Variants in PARD6A observed in about 807,000 individuals in gnomAD.
The protein encoded by PARD6A is par-6 family cell polarity regulator alpha, also known as partitioning defective 6 homolog alpha.
In PARD6A, 20 loss-of-function variants were observed where a neutral mutation model predicts 21.3. The ratio of observed to expected loss-of-function variants is 0.94; its 90% CI spans 0.66 to 1.36. PARD6A has a LOEUF of 1.36. PARD6A is among the 40% of genes most tolerant of loss of function. PARD6A has a pLI of 0.00. For synonymous variants in PARD6A, 214 were observed against 204.8 expected (o/e 1.04, Z -0.38); for missense variants, 411 against 482.0 (o/e 0.85, Z 1.38).
chr16:67,661,730 G>T lies in PARD6A; in HGVS notation c.286+53G>T. On this transcript the variant is annotated intron_variant, in intron 2 of 2. Coordinates refer to ENST00000458121, the MANE Select transcript of PARD6A (RefSeq NM_001037281.2). The surrounding 1 kb of genome is among the most constrained non-coding windows in gnomAD (Gnocchi z 7.0). ...TGTGGGGTAAGGTGTCTGTGGGGCA[G>T]GTCTACAAGGGTTAGTCCATGCCCA... 6.3e-7 allele frequency: 1 copy of T among 1,583,492 alleles called. No individual in the cohort carries two copies.
Position 67,661,398 on chromosome 16 carries a change from G to A in PARD6A, c.64-57G>A. On this transcript the variant is annotated intron_variant, in intron 1 of 2. Coordinates refer to ENST00000458121, the MANE Select transcript of PARD6A (RefSeq NM_001037281.2). This position sits in a 1 kb window ranked among gnomAD's most constrained non-coding sequence, Gnocchi z 7.0. ...TCTTTCCCATTCCTGCCAGCCTGCG[G>A]TGAGAAAGGGGCGCAGGCTGTCCTG... 1 of 1,584,324 alleles carries A rather than the reference G, an allele frequency of 6.3e-7. No homozygotes were observed. The highest frequency in any genetic ancestry group is 8.5e-7 in the Non-Finnish European group (1 of 1,171,142).
In PARD6A at chr16:67,661,266, C is replaced by A; in HGVS notation, c.63+165C>A. The A allele has an allele frequency of 9.9e-7, 1 of 1,009,516 alleles. No individual in the cohort carries two copies. Among genetic ancestry groups the A allele is most frequent in the Non-Finnish European group, 1.5e-6 (1 of 680,870 alleles). The allele number at this position is 1,009,516 out of a possible 1,614,324, so 62.5% of individuals were successfully genotyped here. A position where few individuals can be genotyped will look rare whatever the true frequency, so the allele number is the denominator to read the frequency against. ...TCCTTCCTCCACTGCTGGTCTCCAGCTCTCTGTGGCCTGAGTACCTGGAGG... is the reference window on the plus strand; with the variant it reads ...TCCTTCCTCCACTGCTGGTCTCCAGATCTCTGTGGCCTGAGTACCTGGAGG... On this transcript the variant is annotated intron_variant, in intron 1 of 2. Coordinates refer to ENST00000458121, the MANE Select transcript of PARD6A (RefSeq NM_001037281.2). The surrounding 1 kb of genome is among the most constrained non-coding windows in gnomAD (Gnocchi z 7.0).
At position 67,661,249 on chromosome 16, in the gene PARD6A, C is replaced by T; in HGVS notation, c.63+148C>T. On this transcript the variant is annotated intron_variant, in intron 1 of 2. Transcript: ENST00000458121. The surrounding 1 kb of genome is among the most constrained non-coding windows in gnomAD (Gnocchi z 7.0). ...CCTTCCCCCATCCGTCTTCCTTCCT[C>T]CACTGCTGGTCTCCAGCTCTCTGTG... The T allele has an allele frequency of 9.9e-7, 1 of 1,008,496 alleles. No homozygotes were observed. Among genetic ancestry groups the T allele is most frequent in the South Asian group, 1.4e-5 (1 of 69,820 alleles). The allele number at this position is 1,008,496 out of a possible 1,614,324, so 62.5% of individuals were successfully genotyped here. A position where few individuals can be genotyped will look rare whatever the true frequency, so the allele number is the denominator to read the frequency against.
At position 67,662,208 on chromosome 16, in the gene PARD6A, G is replaced by T; in HGVS notation, c.599G>T (p.Gly200Val). 6.2e-7 allele frequency: 1 copy of T among 1,614,154 alleles called. No homozygotes were observed. Among genetic ancestry groups the T allele is most frequent in the Non-Finnish European group, 8.5e-7 (1 of 1,180,036 alleles). Residue 200 changes from glycine to valine, a missense_variant, in exon 3 of 3, where the codon GGT becomes GTT. Gly to Val is a moderately radical substitution (Grantham distance 109). Coordinates refer to ENST00000458121, the MANE Select transcript of PARD6A (RefSeq NM_001037281.2). This position sits in a 1 kb window ranked among gnomAD's most constrained non-coding sequence, Gnocchi z 6.9. ...TTCATCTCCCGCCTGGTACGTGGGG[G>T]TCTGGCTGAGAGTACAGGGCTGCTG... ...GIFISRLVRG[G>V]LAESTGLLAV...
rs537272237 is a variant in PARD6A, at chr16:67,661,929, A to G, written c.320A>G (p.Asn107Ser). 55 of 1,606,952 alleles carry G rather than the reference A, an allele frequency of 3.4e-5. No individual in the cohort carries two copies. Among genetic ancestry groups the G allele is most frequent in the South Asian group, 6.6e-5 (6 of 90,856 alleles). Reference protein sequence around the residue: ...ADSSGLAFASNSLQRRKKGLL... With the variant: ...ADSSGLAFASSSLQRRKKGLL... ...TCCAGCGGCCTGGCTTTTGCCTCCA[A>G]CTCTCTGCAGCGGCGCAAGAAAGGG... The change falls in exon 3 of 3, where the codon AAC (asparagine) becomes AGC (serine). Residue 107 changes from asparagine to serine, a missense_variant. Asn to Ser is a conservative substitution (Grantham distance 46). Transcript: ENST00000458121. This position sits in a 1 kb window ranked among gnomAD's most constrained non-coding sequence, Gnocchi z 7.0.
At position 67,661,238 on chromosome 16, in the gene PARD6A, TCTTC is replaced by T. The variant is rs2053009622; in HGVS notation, c.63+144_63+147del. On this transcript the variant is annotated intron_variant, in intron 1 of 2. Transcript: ENST00000458121. This position sits in a 1 kb window ranked among gnomAD's most constrained non-coding sequence, Gnocchi z 7.0. ...TTTTCTGCTCGCCTTCCCCCATCCG[TCTTC>T]CTTCCTCCACTGCTGGTCTCCAGCT... 1.9e-6 allele frequency: 2 copies of T among 1,025,774 alleles called. No homozygotes were observed. Among genetic ancestry groups the T allele is most frequent in the Admixed American group, 1.9e-5 (1 of 52,240 alleles). The allele number at this position is 1,025,774 out of a possible 1,614,324, so 63.5% of individuals were successfully genotyped here.
Position 67,662,558 on chromosome 16 carries a change from A to C in PARD6A, c.949A>C (p.Ser317Arg). 1 of 1,613,034 alleles carries C rather than the reference A, an allele frequency of 6.2e-7. No homozygotes were observed. ...HPGCRHPGTR[S>R]SLPSLDDQEQ... ...TGGCTGCCGACATCCTGGTACCCGC[A>C]GCTCTCTGCCCTCCCTGGATGACCA... Residue 317 changes from serine (S) to arginine (R), a missense_variant, in exon 3 of 3, where the codon AGC becomes CGC. Coordinates refer to ENST00000458121, the MANE Select transcript of PARD6A (RefSeq NM_001037281.2). This position sits in a 1 kb window ranked among gnomAD's most constrained non-coding sequence, Gnocchi z 6.9.
chr16:67,662,151 C>G lies in PARD6A; in HGVS notation c.542C>G (p.Ala181Gly). 1.9e-6 allele frequency: 3 copies of G among 1,613,900 alleles called. No individual in the cohort carries two copies. The highest frequency in any genetic ancestry group is 2.5e-6 in the Non-Finnish European group (3 of 1,180,004). Residue 181 changes from alanine to glycine, a missense_variant, in exon 3 of 3, where the codon GCT becomes GGT. By Grantham distance (60) the Ala-to-Gly change is moderately conservative (BLOSUM62 0). Coordinates refer to ENST00000458121, the MANE Select transcript of PARD6A (RefSeq NM_001037281.2). This position sits in a 1 kb window ranked among gnomAD's most constrained non-coding sequence, Gnocchi z 6.9. ...CGAGATGGCATGAGCGTGCGTGTGG[C>G]TCCCCAGGGCCTGGAGCGGGTTCCA... ...YIRDGMSVRVAPQGLERVPGI... is the reference protein window; with the variant it reads ...YIRDGMSVRVGPQGLERVPGI...
rs776418775 is a variant in PARD6A, at chr16:67,662,025, G to C, written c.416G>C (p.Arg139Pro). Reference sequence around the variant, plus strand: ...CTAATCAGCCTGCCCCAAGATTTCCGCCAGGTTTCCTCAGTCATAGACGTG... The same window carrying C: ...CTAATCAGCCTGCCCCAAGATTTCCCCCAGGTTTCCTCAGTCATAGACGTG... Reference protein sequence around the residue: ...PLLISLPQDFRQVSSVIDVDL... With the variant: ...PLLISLPQDFPQVSSVIDVDL... Residue 139 changes from arginine to proline, a missense_variant, in exon 3 of 3, where the codon CGC (arginine) becomes CCC (proline). By Grantham distance (103) the Arg-to-Pro change is moderately radical. Transcript: ENST00000458121. This position sits in a 1 kb window ranked among gnomAD's most constrained non-coding sequence, Gnocchi z 6.9. The C allele has an allele frequency of 6.2e-7, 1 of 1,613,822 alleles. No individual in the cohort carries two copies. Among genetic ancestry groups the C allele is most frequent in the Non-Finnish European group, 8.5e-7 (1 of 1,180,022 alleles).
Position 67,661,415 on chromosome 16 carries a change from G to C in PARD6A, c.64-40G>C. On this transcript the variant is annotated intron_variant, in intron 1 of 2. Coordinates refer to ENST00000458121, the MANE Select transcript of PARD6A (RefSeq NM_001037281.2). This position sits in a 1 kb window ranked among gnomAD's most constrained non-coding sequence, Gnocchi z 7.0. ...AGCCTGCGGTGAGAAAGGGGCGCAG[G>C]CTGTCCTGACTCCTCCTCTCCCCCA... The C allele has an allele frequency of 6.3e-7, 1 of 1,599,426 alleles. No individual in the cohort carries two copies. Among genetic ancestry groups the C allele is most frequent in the Non-Finnish European group, 8.5e-7 (1 of 1,178,230 alleles).
chr16:67,662,156 C>T lies in PARD6A; in HGVS notation c.547C>T (p.Gln183Ter). ...TGGCATGAGCGTGCGTGTGGCTCCC[C>T]AGGGCCTGGAGCGGGTTCCAGGAAT... Reference protein sequence around the residue: ...RDGMSVRVAPQGLERVPGIFI... With the variant: ...RDGMSVRVAP The change falls in exon 3 of 3, where the codon CAG (glutamine) becomes TAG (stop). Residue 183 changes from glutamine to a stop codon, truncating the protein, a stop_gained. Coordinates refer to ENST00000458121, the MANE Select transcript of PARD6A (RefSeq NM_001037281.2). LOFTEE classifies it high-confidence loss of function. This position sits in a 1 kb window ranked among gnomAD's most constrained non-coding sequence, Gnocchi z 6.9. 3 of 1,613,980 alleles carry T rather than the reference C, an allele frequency of 1.9e-6. No individual in the cohort carries two copies. Among genetic ancestry groups the T allele is most frequent in the Non-Finnish European group, 2.5e-6 (3 of 1,180,016 alleles).
rs2142978189 is a variant in PARD6A, at chr16:67,660,984, A to C, written c.-55A>C. 1 of 821,394 alleles carries C rather than the reference A, an allele frequency of 1.2e-6. No individual in the cohort carries two copies. Among genetic ancestry groups the C allele is most frequent in the Non-Finnish European group, 1.5e-6 (1 of 645,976 alleles). 50.9% of individuals were successfully genotyped at this position (821,394 alleles called of 1,614,324 possible). A position where few individuals can be genotyped will look rare whatever the true frequency, so the allele number is the denominator to read the frequency against. ...CGCGGGCGGGCCGGCCGGGCTGTGC[A>C]CCTGCGCCTCGGCGGGCCGCCTGGG... On this transcript the variant is annotated 5_prime_UTR_variant, in exon 1 of 3. Transcript: ENST00000458121.
Position 67,661,848 on chromosome 16 carries a change from G to A in PARD6A, c.287-48G>A, listed in dbSNP as rs1221916425. On this transcript the variant is annotated intron_variant, in intron 2 of 2. Coordinates refer to ENST00000458121, the MANE Select transcript of PARD6A (RefSeq NM_001037281.2). The surrounding 1 kb of genome is among the most constrained non-coding windows in gnomAD (Gnocchi z 7.0). ...ACAGTGCCCCCTGTAAACAGCCCAA[G>A]TCGGGGAGCAGGTCTCTGATCTCAA... The A allele has an allele frequency of 6.5e-7, 1 of 1,542,176 alleles. No homozygotes were observed. The highest frequency in any genetic ancestry group is 1.9e-5 in the Admixed American group (1 of 51,960).
In PARD6A at chr16:67,662,360, C is replaced by A. The variant is rs771559899; in HGVS notation, c.751C>A (p.Arg251Ser). 8.7e-6 allele frequency: 14 copies of A among 1,614,098 alleles called. No homozygotes were observed. Among genetic ancestry groups the A allele is most frequent in the Non-Finnish European group, 1.2e-5 (14 of 1,180,034 alleles). Residue 251 changes from arginine (R) to serine (S), a missense_variant, in exon 3 of 3, where the codon CGC (arginine) becomes AGC (serine). By Grantham distance (110) the Arg-to-Ser change is moderately radical. Transcript: ENST00000458121. The surrounding 1 kb of genome is among the most constrained non-coding windows in gnomAD (Gnocchi z 6.9). ...TGTCACTGTCAAGCCCGCCAACCAG[C>A]GCAATAACGTGGTGCGAGGGGCATC... is the stretch of plus-strand genomic sequence containing the variant. ...LIVTVKPANQ[R>S]NNVVRGASGR... is the part of the protein sequence containing the mutation.
At position 67,662,678 on chromosome 16, in the gene PARD6A, A is replaced by C; in HGVS notation, c.*31A>C. 6.7e-7 allele frequency: 1 copy of C among 1,500,532 alleles called. No homozygotes were observed. The allele number at this position is 1,500,532 out of a possible 1,614,324, so 93.0% of individuals were successfully genotyped here. A position where few individuals can be genotyped will look rare whatever the true frequency, so the allele number is the denominator to read the frequency against. ...AGGATGAAGCCCCATGCCACTCCAC[A>C]CTGCTGGGACATGGCAGGGACTTCA... On this transcript the variant is annotated 3_prime_UTR_variant, in exon 3 of 3. Transcript: ENST00000458121. The surrounding 1 kb of genome is among the most constrained non-coding windows in gnomAD (Gnocchi z 6.9).
In PARD6A at chr16:67,661,286, T is replaced by G. The variant is rs2053010913; in HGVS notation, c.64-169T>G. ...TCCAGCTCTCTGTGGCCTGAGTACCTGGAGGGCGGTAAGAAGACCTTGGAC... is the reference window on the plus strand; with the variant it reads ...TCCAGCTCTCTGTGGCCTGAGTACCGGGAGGGCGGTAAGAAGACCTTGGAC... On this transcript the variant is annotated intron_variant, in intron 1 of 2. Coordinates refer to ENST00000458121, the MANE Select transcript of PARD6A (RefSeq NM_001037281.2). This position sits in a 1 kb window ranked among gnomAD's most constrained non-coding sequence, Gnocchi z 7.0. 9.5e-7 allele frequency: 1 copy of G among 1,052,624 alleles called. No homozygotes were observed. The highest frequency in any genetic ancestry group is 1.6e-5 in the African/African-American group (1 of 62,606). 65.2% of individuals were successfully genotyped at this position (1,052,624 alleles called of 1,614,324 possible).
chr16:67,661,471 G>C lies in PARD6A; in HGVS notation c.80G>C (p.Arg27Pro), dbSNP rs1359493031. Reference protein sequence around the residue: ...EVKSKFDAEFRRFALPRASVS... With the variant: ...EVKSKFDAEFPRFALPRASVS... ...GACTTCCAGTTTGACGCCGAGTTCC[G>C]ACGCTTCGCGCTGCCTCGCGCTTCG... The change falls in exon 2 of 3, where the codon CGA becomes CCA. Residue 27 changes from arginine to proline, a missense_variant. Coordinates refer to ENST00000458121, the MANE Select transcript of PARD6A (RefSeq NM_001037281.2). This position sits in a 1 kb window ranked among gnomAD's most constrained non-coding sequence, Gnocchi z 7.0. 3 of 1,608,172 alleles carry C rather than the reference G, an allele frequency of 1.9e-6. No homozygotes were observed. The highest frequency in any genetic ancestry group is 1.7e-6 in the Non-Finnish European group (2 of 1,179,954).
chr16:67,661,349 G>A lies in PARD6A; in HGVS notation c.64-106G>A. On this transcript the variant is annotated intron_variant, in intron 1 of 2. Coordinates refer to ENST00000458121, the MANE Select transcript of PARD6A (RefSeq NM_001037281.2). This position sits in a 1 kb window ranked among gnomAD's most constrained non-coding sequence, Gnocchi z 7.0. ...ACTGGAGCTGAGGTCTGGGCTTAAG[G>A]CTGCCGCAAAAGCGGCAGCCGCATC... 4 of 1,460,704 alleles carry A rather than the reference G, an allele frequency of 2.7e-6. No individual in the cohort carries two copies. The highest frequency in any genetic ancestry group is 3.6e-6 in the Non-Finnish European group (4 of 1,101,030). 90.5% of individuals were successfully genotyped at this position (1,460,704 alleles called of 1,614,324 possible). A position where few individuals can be genotyped will look rare whatever the true frequency, so the allele number is the denominator to read the frequency against.
rs1432213925 is a variant in PARD6A, at chr16:67,661,397, G to A, written c.64-58G>A. The A allele has an allele frequency of 6.3e-7, 1 of 1,583,176 alleles. No individual in the cohort carries two copies. Among genetic ancestry groups the A allele is most frequent in the African/African-American group, 1.3e-5 (1 of 74,138 alleles). ...ATCTTTCCCATTCCTGCCAGCCTGC[G>A]GTGAGAAAGGGGCGCAGGCTGTCCT... On this transcript the variant is annotated intron_variant, in intron 1 of 2. Transcript: ENST00000458121. This position sits in a 1 kb window ranked among gnomAD's most constrained non-coding sequence, Gnocchi z 7.0.
Sources: gnomAD v4.1 joint callset for allele counts on GRCh38, gnomAD v4.1.1 for gene constraint, Gnocchi (gnomAD v3.1) non-coding constraint, MANE v1.5 for transcripts, NCBI Gene and HGNC (gene_info 2026-07-23, HGNC 2026-07-21) for gene names.